Variants in PTPRT observed in about 807,000 individuals in gnomAD.
The protein encoded by PTPRT is receptor-type tyrosine-protein phosphatase T.
Under a neutral mutation model 176.8 loss-of-function variants are expected in PTPRT, and 56 were observed. That is an observed-to-expected ratio of 0.32 (90% confidence interval 0.26 to 0.40). The LOEUF (loss-of-function observed/expected upper bound fraction) is 0.40, where lower values mean the gene tolerates loss of function less well. PTPRT is among the 10% of genes least tolerant of loss of function. The pLI, the probability that PTPRT is intolerant of heterozygous loss-of-function variation, is 1.00. For synonymous variants in PTPRT, 783 were observed against 739.0 expected, an observed-to-expected ratio of 1.06 and a Z score of -0.96; for missense variants, 1,540 against 1,908.2, an observed-to-expected ratio of 0.81 and a Z score of 3.60.
intron 2 of PTPRT, among the ~76,000 whole-genome samples, chr20:42,826,056 A>G (rs1341438970): frequency 6.6e-6 from 1 of 152,028 alleles, no homozygotes; most frequent in South Asian, 2.1e-4. Context: ...CAATACCTAC[A>G]TAAGACTGAA....
chr20:42,726,670 G>T (rs574439413), intron 6 of PTPRT, among the ~76,000 whole-genome samples: 16 of 152,324 alleles, frequency 1.1e-4, no homozygotes, highest in African/African-American at 3.6e-4. Flanking sequence ...TGGTCCCCAT[G>T]CTGAGAAGAC....
intron 7 of PTPRT, among the ~76,000 whole-genome samples, chr20:42,555,422 G>A (rs558967553): frequency 4.6e-5 from 7 of 152,270 alleles, no homozygotes; most frequent in South Asian, 2.1e-4. Flanking sequence ...CATACAGAAC[G>A]ATAATAGAAC....
chr20:43,178,975 C>CA (rs1474967387), intron 1 of PTPRT, among the ~76,000 whole-genome samples: 1 of 152,136 alleles, frequency 6.6e-6, no homozygotes, highest in Non-Finnish European at 1.5e-5. Flanking sequence ...CCTCTTCTAC[C>CA]AAAATACAGA....
intron 6 of PTPRT, among the ~76,000 whole-genome samples, chr20:42,748,236 T>G: frequency 6.6e-6 from 1 of 152,218 alleles, no homozygotes; most frequent in East Asian, 1.9e-4. Context: ...ATGTTGACAA[T>G]AGAGGTGGTG....
intron 9 of PTPRT, among the ~76,000 whole-genome samples, chr20:42,368,504 G>A (rs866630109): frequency 1.6e-4 from 25 of 152,070 alleles, no homozygotes; most frequent in Middle Eastern, 3.4e-3. Context: ...AAGGTAACCC[G>A]CTGGGGCAAT....
At chr20:42,588,103 C>A (rs971796676) in intron 7 of PTPRT, among the ~76,000 whole-genome samples, 5 of 152,104 alleles carry the variant, frequency 3.3e-5, no homozygotes, top group Non-Finnish European at 7.4e-5. Flanking sequence ...CTGTGCTGTC[C>A]TATACTGTGG....
At chr20:43,039,574 T>C (rs146952322) in intron 1 of PTPRT, among the ~76,000 whole-genome samples, 2 of 152,126 alleles carry the variant, frequency 1.3e-5, no homozygotes, top group East Asian at 1.9e-4. Flanking sequence ...AACATACTGA[T>C]AAATTTCATC....
At position 42,950,688 on chromosome 20, in the gene PTPRT, G is replaced by C. The variant is rs529320436; in HGVS notation, c.89-64756C>G. Reference sequence around the variant, plus strand: ...AAAAATCTACTCTGTAATTGGGTACGTGTTTTACATGCCTATACCTTAGCT... The same window carrying C: ...AAAAATCTACTCTGTAATTGGGTACCTGTTTTACATGCCTATACCTTAGCT... On this transcript the variant is annotated intron_variant, in intron 1 of 30. Coordinates refer to ENST00000373187, the MANE Select transcript of PTPRT (RefSeq NM_007050.6). Among the ~76,000 whole-genome samples the C allele has an allele frequency of 3.9e-5, 6 of 152,252 alleles. 1 individual carries two copies. The highest frequency in any genetic ancestry group is 1.4e-4 in the African/African-American group (6 of 41,542).
intron 7 of PTPRT, among the ~76,000 whole-genome samples, chr20:42,640,878 G>A (rs1337959211): frequency 1.3e-5 from 2 of 151,902 alleles, no homozygotes; most frequent in African/African-American, 4.8e-5. Context: ...TGTTCCTCGG[G>A]CCCCACCATT....
intron 12 of PTPRT, among the ~76,000 whole-genome samples, chr20:42,304,449 AT>A (rs2057515184): frequency 6.6e-6 from 1 of 152,134 alleles, no homozygotes; most frequent in Admixed American, 6.6e-5. Context: ...TCATCTTATT[AT>A]TTAATATTTA....
chr20:42,235,108 CCTCT>C (rs1328503406), intron 15 of PTPRT, among the ~76,000 whole-genome samples: 2 of 152,134 alleles, frequency 1.3e-5, no homozygotes. Context: ...GTCCCTACAA[CCTCT>C]CAATTTCCAA....
intron 7 of PTPRT, among the ~76,000 whole-genome samples, chr20:42,633,052 C>T (rs1220466235): frequency 6.6e-5 from 10 of 152,156 alleles, no homozygotes; most frequent in African/African-American, 2.4e-4. Flanking sequence ...CAATATCTAT[C>T]TTCATTTGCT....
At chr20:42,452,946 C>T (rs140470569) in intron 8 of PTPRT, among the ~76,000 whole-genome samples, 78 of 152,234 alleles carry the variant, frequency 5.1e-4, no homozygotes, top group African/African-American at 1.8e-3. Context: ...TCAAAACTTG[C>T]CCCAGTGATT....
chr20:42,062,971 C>T, the PTPRT span, among the ~76,000 whole-genome samples: 1 of 152,208 alleles, frequency 6.6e-6, no homozygotes, highest in African/African-American at 2.4e-5. Context: ...TCCTCAGAGA[C>T]AGCACATTTA....
intron 1 of PTPRT, among the ~76,000 whole-genome samples, chr20:43,019,817 A>T (rs1985569723): frequency 6.6e-6 from 1 of 151,922 alleles, no homozygotes; most frequent in Non-Finnish European, 1.5e-5. Context: ...TCCCAGAGCC[A>T]GGAGCGTTTC....
At chr20:42,194,298 C>T (rs1029793399) in intron 16 of PTPRT, among the ~76,000 whole-genome samples, 22 of 152,226 alleles carry the variant, frequency 1.4e-4, no homozygotes, top group Non-Finnish European at 4.4e-5. Flanking sequence ...CAAGGTGACA[C>T]TTAGCAGAGA....
chr20:42,702,915 G>C (rs1457373103), intron 6 of PTPRT, among the ~76,000 whole-genome samples: 1 of 152,094 alleles, frequency 6.6e-6, no homozygotes, highest in African/African-American at 2.4e-5. Context: ...AATTCTTCTG[G>C]TTAAGCACCT....
chr20:42,937,637 C>A (rs780392812), intron 1 of PTPRT, among the ~76,000 whole-genome samples: 2 of 152,210 alleles, frequency 1.3e-5, no homozygotes, highest in Admixed American at 1.3e-4. Context: ...AAATCACAAG[C>A]TTTCAGAGAG....
At chr20:42,134,149 T>C (rs1031383476) in intron 18 of PTPRT, among the ~76,000 whole-genome samples, 12 of 152,246 alleles carry the variant, frequency 7.9e-5, no homozygotes, top group Admixed American at 2.0e-4. Flanking sequence ...TGTCCCCTTC[T>C]TCTTCTAACT....
Sources: gnomAD v4.1 joint callset for allele counts (sites outside exome capture counted in the v4.1 genomes callset) on GRCh38, gnomAD v4.1.1 for gene constraint, MANE v1.5 for transcripts, NCBI Gene and HGNC (gene_info 2026-07-23, HGNC 2026-07-21) for gene names.